Variants in PRELID2 observed in about 807,000 individuals in gnomAD.
PRELID2 encodes PRELI domain-containing protein 2.
Under a neutral mutation model 28.4 loss-of-function variants are expected in PRELID2, and 25 were observed. The ratio of observed to expected loss-of-function variants is 0.88; its 90% CI spans 0.64 to 1.23. The LOEUF (loss-of-function observed/expected upper bound fraction) is 1.23. PRELID2 is among the 50% of genes most tolerant of loss of function. The pLI, the probability that PRELID2 is intolerant of heterozygous loss-of-function variation, is 0.00. For missense variants in PRELID2, 201 were observed against 214.4 expected (o/e 0.94, Z 0.39); for synonymous variants, 76 against 71.6 (o/e 1.06, Z -0.31).
intron 5 of PRELID2, among the ~76,000 whole-genome samples, chr5:145,784,657 G>T (rs1751867952): frequency 6.6e-6 from 1 of 151,930 alleles, no homozygotes; most frequent in African/African-American, 2.4e-5. Flanking sequence ...AACAATAACA[G>T]CTATTATGCC....
intron 1 of PRELID2, among the ~76,000 whole-genome samples, chr5:145,622,754 T>G (rs1227816478): frequency 6.6e-6 from 1 of 151,760 alleles, no homozygotes; most frequent in African/African-American, 2.4e-5. Flanking sequence ...GTTCTGAAAG[T>G]ATAAATAGAG....
intron 4 of PRELID2, among the ~76,000 whole-genome samples, chr5:145,817,514 A>C (rs987987609): frequency 6.7e-6 from 1 of 148,828 alleles, no homozygotes; most frequent in African/African-American, 2.4e-5. Flanking sequence ...TTTACAAACT[A>C]ATTTATAACT....
the PRELID2 span, chr5:145,230,182 C>T: frequency 2.5e-6 from 1 of 393,556 alleles, no homozygotes; most frequent in Non-Finnish European, 4.8e-6. Context: ...GGCTGCCAGG[C>T]CCCAGCTTTG....
intron 1 of PRELID2, among the ~76,000 whole-genome samples, chr5:145,519,890 C>T (rs955114): frequency 0.096 from 14,564 of 152,220 alleles, 774 homozygotes; most frequent in Non-Finnish European, 0.12. Flanking sequence ...ACAATTGAAA[C>T]ATCTCAAATG....
the PRELID2 span, among the ~76,000 whole-genome samples, chr5:145,287,867 C>T: frequency 6.6e-6 from 1 of 152,158 alleles, no homozygotes; most frequent in Admixed American, 6.5e-5. Context: ...CTTATCTTAG[C>T]TGTACCTATT....
chr5:145,609,485 G>T (rs1184407372), intron 1 of PRELID2, among the ~76,000 whole-genome samples: 6 of 152,182 alleles, frequency 3.9e-5, no homozygotes. Flanking sequence ...TTAAGCAGGG[G>T]CAGCAGTTGG....
At chr5:145,485,622 T>C (rs943945382) in intron 1 of PRELID2, among the ~76,000 whole-genome samples, 3 of 152,190 alleles carry the variant, frequency 2.0e-5, no homozygotes, top group African/African-American at 7.2e-5. Context: ...TCTGCGTGCC[T>C]GTGCTAAAAT....
chr5:145,519,585 T>C (rs1752546470), intron 1 of PRELID2, among the ~76,000 whole-genome samples: 1 of 152,198 alleles, frequency 6.6e-6, no homozygotes, highest in African/African-American at 2.4e-5. Flanking sequence ...CGATGAGGCT[T>C]TATTAGCCAT....
At chr5:145,600,412 C>CA (rs1339109543) in intron 1 of PRELID2, among the ~76,000 whole-genome samples, 1 of 113,352 alleles carries the variant, frequency 8.8e-6, no homozygotes, top group Admixed American at 9.3e-5. Flanking sequence ...GAGCTTCTCT[C>CA]AGGGGGGGAA....
rs1455380922 is a variant in PRELID2 at position 145,648,772 on chromosome 5, T to C, written n.70+116159A>G. Among the ~76,000 whole-genome samples the C allele has an allele frequency of 2.7e-5, 4 of 149,816 alleles. No individual in the cohort carries two copies. In the East Asian group the frequency reaches 7.8e-4, roughly 29 times the overall value. On this transcript the variant is annotated intron_variant and non_coding_transcript_variant, in intron 1 of 2. Transcript: ENST00000510259. ...TACTCTTTCTCTGAGCCACCCCTTA[T>C]AGGTATAAATAATCATATACATATA...
intron 1 of PRELID2, among the ~76,000 whole-genome samples, chr5:145,566,839 C>CAAAAA (rs537384269): frequency 1.7e-5 from 1 of 58,128 alleles, no homozygotes; most frequent in Non-Finnish European, 4.7e-5. Context: ...GACTCCATCT[C>CAAAAA]AAAAAAAAAA....
chr5:145,481,302 A>T (rs1365907726), intron 1 of PRELID2, among the ~76,000 whole-genome samples: 1 of 151,736 alleles, frequency 6.6e-6, no homozygotes, highest in Admixed American at 6.6e-5. Context: ...TTTAACTTTT[A>T]ATTCTTAACT....
intron 4 of PRELID2, among the ~76,000 whole-genome samples, chr5:145,807,203 C>G (rs934173368): frequency 6.6e-6 from 1 of 152,118 alleles, no homozygotes; most frequent in Non-Finnish European, 1.5e-5. Flanking sequence ...ATGGTACCAC[C>G]TTAATATATG....
At position 145,592,673 on chromosome 5, in the gene PRELID2, A is replaced by G. The variant is rs1466506284; in HGVS notation, n.71-119358T>C. ...GGAATTGATTCTTTCAAGAAGACAAAGTAAATAGAGCTGAGAGTTAAGAAT... is the reference window on the plus strand; with the variant it reads ...GGAATTGATTCTTTCAAGAAGACAAGGTAAATAGAGCTGAGAGTTAAGAAT... On this transcript the variant is annotated intron_variant and non_coding_transcript_variant, in intron 1 of 2. Transcript: ENST00000510259. 3.3e-5 allele frequency among the ~76,000 whole-genome samples: 5 copies of G among 152,320 alleles called. No homozygotes were observed. The East Asian group carries it at 9.6e-4, about 29-fold the overall frequency.
chr5:145,717,340 A>G (rs1755870754), intron 1 of PRELID2, among the ~76,000 whole-genome samples: 1 of 152,126 alleles, frequency 6.6e-6, no homozygotes, highest in African/African-American at 2.4e-5. Flanking sequence ...ATTAGACAGT[A>G]GTTATGGCTG....
the PRELID2 span, among the ~76,000 whole-genome samples, chr5:145,369,943 T>C: frequency 3.3e-5 from 5 of 150,430 alleles, no homozygotes; most frequent in Admixed American, 3.4e-4. Flanking sequence ...TCATATACTT[T>C]GCCCACGTTT....
At chr5:145,444,887 A>T in the PRELID2 span, among the ~76,000 whole-genome samples, 36 of 152,198 alleles carry the variant, frequency 2.4e-4, no homozygotes, top group Non-Finnish European at 2.6e-4. Flanking sequence ...TCGTGGTGGG[A>T]AACACAGAAA....
chr5:145,703,410 A>C (rs141373369), intron 1 of PRELID2, among the ~76,000 whole-genome samples: 1 of 152,198 alleles, frequency 6.6e-6, no homozygotes, highest in African/African-American at 2.4e-5. Flanking sequence ...TGTGGTAGAC[A>C]TGCCCCAAAT....
At chr5:145,502,257 T>C (rs1406060541) in intron 1 of PRELID2, among the ~76,000 whole-genome samples, 6 of 152,040 alleles carry the variant, frequency 3.9e-5, no homozygotes, top group Admixed American at 3.3e-4. Flanking sequence ...GGAGAGGTGC[T>C]ACCTACTTTT....
Sources: allele counts gnomAD v4.1 joint callset (sites outside exome capture counted in the v4.1 genomes callset), GRCh38; gene constraint gnomAD v4.1.1; transcripts MANE v1.5; gene names NCBI Gene and HGNC (gene_info 2026-07-23, HGNC 2026-07-21).